The following CSGALNACT1 variants were observed in gnomAD, a reference collection of about 807,000 sequenced individuals.
CSGALNACT1 encodes the protein beta4GalNAcT-1.
In CSGALNACT1, 52 loss-of-function variants were observed where a neutral mutation model predicts 51.0. That is an observed-to-expected ratio of 1.02 (90% CI 0.82 to 1.29). The LOEUF is 1.29. CSGALNACT1 is among the 50% of genes most tolerant of loss of function. The pLI, the probability that CSGALNACT1 is intolerant of heterozygous loss-of-function variation, is 0.00. For missense variants in CSGALNACT1, 935 were observed against 679.2 expected, an observed-to-expected ratio of 1.38 and a Z score of -4.19; for synonymous variants, 341 against 254.4, an observed-to-expected ratio of 1.34 and a Z score of -3.24.
intron 1 of CSGALNACT1, among the ~76,000 whole-genome samples, chr8:19,710,985 C>T (rs568081144): frequency 1.3e-5 from 2 of 152,206 alleles, no homozygotes; most frequent in East Asian, 3.9e-4. Context: ...CCACATGCTT[C>T]AAGGAAGATT....
chr8:19,683,845 G>A (rs73216633), upstream of CSGALNACT1, among the ~76,000 whole-genome samples: 3,074 of 151,990 alleles, frequency 0.02, 51 homozygotes, highest in South Asian at 0.047. Context: ...GGGACAGAGG[G>A]CAAGACCACA....
exon 4 of CSGALNACT1, chr8:19,505,430 A>G (rs771549696): frequency 6.2e-7 from 1 of 1,614,210 alleles, no homozygotes; most frequent in Non-Finnish European, 8.5e-7. Flanking sequence ...GCTTGACGCC[A>G]GCATTCACCT....
chr8:19,560,610 C>G (rs2040490221), intron 3 of CSGALNACT1, among the ~76,000 whole-genome samples: 1 of 152,088 alleles, frequency 6.6e-6, no homozygotes, highest in African/African-American at 2.4e-5. Context: ...TGACCACAAA[C>G]AGGAAAAAGG....
At chr8:19,513,436 C>CTATATATATATATATATATATATA (rs1554650175) in intron 3 of CSGALNACT1, among the ~76,000 whole-genome samples, 35 of 81,952 alleles carry the variant, frequency 4.3e-4, no homozygotes, top group South Asian at 8.7e-4. Flanking sequence ...CTCTCTCTCT[C>CTATATATATATATATATATATATA]TATATATATA....
chr8:19,607,314 T>C (rs1019583901), upstream of CSGALNACT1, among the ~76,000 whole-genome samples: 1 of 152,162 alleles, frequency 6.6e-6, no homozygotes, highest in African/African-American at 2.4e-5. Context: ...TAAGCTATTA[T>C]AGCATAAAAA....
At chr8:19,612,615 G>A (rs2052421796) in intron 1 of CSGALNACT1, among the ~76,000 whole-genome samples, 1 of 151,892 alleles carries the variant, frequency 6.6e-6, no homozygotes, top group Admixed American at 6.6e-5. Context: ...GTTAATTTGG[G>A]CTTTCAAGGA....
At chr8:19,424,328 C>G (rs1047390322) in intron 6 of CSGALNACT1, among the ~76,000 whole-genome samples, 2 of 152,080 alleles carry the variant, frequency 1.3e-5, no homozygotes, top group African/African-American at 4.8e-5. Context: ...AGGGGTCCGT[C>G]TGAGGATGAA....
chr8:19,504,371 C>T lies in CSGALNACT1; in HGVS notation c.634+830G>A, dbSNP rs552086456. Among the ~76,000 whole-genome samples, 122 of 152,300 alleles carry T rather than the reference C, an allele frequency of 8.0e-4. 1 individual carries two copies. The highest frequency in any genetic ancestry group is 9.8e-4 in the Admixed American group (15 of 15,296). The stretch of plus-strand genomic sequence containing the variant: ...GATTACAGGCGCGAGCCACTGCACC[C>T]GGCCAGATGAATTATATTCTTTTCA... On this transcript the variant is annotated intron_variant, in intron 4 of 9. Transcript: ENST00000454498.
intron 1 of CSGALNACT1, among the ~76,000 whole-genome samples, chr8:19,713,989 A>T (rs2062660214): frequency 6.6e-6 from 1 of 152,180 alleles, no homozygotes; most frequent in South Asian, 2.1e-4. Flanking sequence ...TACTCAATGG[A>T]TGCATGGCAC....
At chr8:19,748,671 A>G (rs1364828404) in intron 1 of CSGALNACT1, among the ~76,000 whole-genome samples, 1 of 152,190 alleles carries the variant, frequency 6.6e-6, no homozygotes, top group East Asian at 1.9e-4. Context: ...CAGGAATCTA[A>G]AGAATTAAGT....
intron 4 of CSGALNACT1, 26 bp downstream of exon 3, chr8:19,505,175 T>C (rs1282331336): frequency 1.9e-6 from 3 of 1,613,772 alleles, no homozygotes; most frequent in Admixed American, 3.3e-5. Context: ...TTCTTCTCCT[T>C]TCCCCCCAAT....
chr8:19,582,727 C>A (rs1429727782), intron 3 of CSGALNACT1, among the ~76,000 whole-genome samples: 1 of 152,092 alleles, frequency 6.6e-6, no homozygotes, highest in Non-Finnish European at 1.5e-5. Context: ...AAAAAGGAAG[C>A]CACCATAAAA....
rs557543254 is a variant in CSGALNACT1, at chr8:19,442,072, G to C, written c.852-2141C>G. Among the ~76,000 whole-genome samples the C allele has an allele frequency of 2.3e-4, 35 of 152,266 alleles. No individual in the cohort carries two copies. The South Asian group carries it at 7.3e-3, about 32-fold the overall frequency. ...TCATTAAAAAGTCAGGAAACAACAG[G>C]TGCTGGAGAGGATGTGGAGAAATAG... On this transcript the variant is annotated intron_variant, in intron 5 of 9. Transcript: ENST00000454498.
intron 4 of CSGALNACT1, among the ~76,000 whole-genome samples, chr8:19,460,271 G>C (rs192459221): frequency 6.6e-6 from 1 of 152,222 alleles, no homozygotes; most frequent in East Asian, 1.9e-4. Flanking sequence ...GAGAGAGAGA[G>C]AGAGAAAGAG....
intron 1 of CSGALNACT1, among the ~76,000 whole-genome samples, chr8:19,735,693 C>T (rs1271308039): frequency 2.6e-5 from 4 of 152,068 alleles, no homozygotes; most frequent in Admixed American, 2.6e-4. Context: ...GAAGATCTGA[C>T]CCTTATTTAA....
chr8:19,710,306 G>A (rs2062425818), intron 1 of CSGALNACT1, among the ~76,000 whole-genome samples: 1 of 152,180 alleles, frequency 6.6e-6, no homozygotes. Context: ...ATTACCAGCT[G>A]AGAGTCAGTT....
intron 3 of CSGALNACT1, among the ~76,000 whole-genome samples, chr8:19,584,476 T>G (rs11991555): frequency 0.027 from 4,091 of 152,320 alleles, 187 homozygotes; most frequent in African/African-American, 0.093. Context: ...TGGATTAATA[T>G]TTATTTTACT....
intron 3 of CSGALNACT1, among the ~76,000 whole-genome samples, chr8:19,519,961 G>C (rs532471557): frequency 6.6e-6 from 1 of 152,312 alleles, no homozygotes; most frequent in African/African-American, 2.4e-5. Flanking sequence ...ACACTGAAAG[G>C]TGCCAGCACC....
chr8:19,451,538 C>G (rs933967359), intron 5 of CSGALNACT1, among the ~76,000 whole-genome samples: 13 of 152,272 alleles, frequency 8.5e-5, no homozygotes, highest in African/African-American at 2.2e-4. Flanking sequence ...ATGGATCACC[C>G]CAAGCACCGT....
Sources: allele counts gnomAD v4.1 joint callset (sites outside exome capture counted in the v4.1 genomes callset), GRCh38; gene constraint gnomAD v4.1.1; transcripts MANE v1.5; gene names NCBI Gene and HGNC (gene_info 2026-07-23, HGNC 2026-07-21).